Variants in ABCC1 observed in about 807,000 individuals in gnomAD.
ABCC1 encodes the protein ATP binding cassette subfamily C member 1 (ABCC1 blood group).
In ABCC1, 83 loss-of-function variants were observed where a neutral mutation model predicts 172.9. The ratio of observed to expected loss-of-function variants is 0.48; its 90% CI spans 0.40 to 0.58. The LOEUF is 0.58. ABCC1 is among the 20% of genes least tolerant of loss of function. The probability of loss-of-function intolerance (pLI) is 0.00; values close to 1 mark genes in which losing one functional copy is unlikely to be tolerated. For synonymous variants in ABCC1, 937 were observed against 825.2 expected (o/e 1.14, Z -2.32); for missense variants, 1,817 against 2,002.7 (o/e 0.91, Z 1.77).
intron 1 of ABCC1, among the ~76,000 whole-genome samples, chr16:16,002,842 C>T (rs1197709818): frequency 1.3e-5 from 2 of 151,346 alleles, no homozygotes; most frequent in African/African-American, 2.4e-5. Flanking sequence ...AATGGAGTAT[C>T]GTAGTGCCTT....
intron 19 of ABCC1, among the ~76,000 whole-genome samples, chr16:16,091,411 A>G (rs529183574): frequency 1.9e-4 from 29 of 151,842 alleles, no homozygotes; most frequent in African/African-American, 5.3e-4. Context: ...CTACAAAAAA[A>G]AAAAAAAAAA....
At chr16:16,014,406 C>T (rs2047910092) in intron 3 of ABCC1, 85 bp from the exon 4 acceptor site, 12 of 1,482,308 alleles carry the variant, frequency 8.1e-6, no homozygotes, top group Admixed American at 2.1e-5. Flanking sequence ...GAGATTGCAC[C>T]ACTGCGCTCC....
At chr16:16,134,226 G>A in intron 27 of ABCC1, 124 bp from the exon 28 acceptor site, 2 of 1,202,148 alleles carry the variant, frequency 1.7e-6, no homozygotes, top group Non-Finnish European at 2.4e-6. Flanking sequence ...CAAGGGAGAG[G>A]GCTGTCGAGT....
At chr16:16,047,682 A>T (rs2049268831) in intron 9 of ABCC1, among the ~76,000 whole-genome samples, 1 of 152,012 alleles carries the variant, frequency 6.6e-6, no homozygotes, top group Non-Finnish European at 1.5e-5. Flanking sequence ...GATGTCAAGA[A>T]TGCCAAGGAT....
chr16:16,130,879 TTGGG>T (rs1410490786), intron 26 of ABCC1, among the ~76,000 whole-genome samples: 1 of 152,102 alleles, frequency 6.6e-6, no homozygotes, highest in Non-Finnish European at 1.5e-5. Flanking sequence ...TCCCAGCACT[TTGGG>T]AGGTAGAGGT....
At chr16:16,121,288 C>T (rs888942430) in intron 23 of ABCC1, among the ~76,000 whole-genome samples, 5 of 152,174 alleles carry the variant, frequency 3.3e-5, no homozygotes, top group African/African-American at 1.2e-4. Flanking sequence ...AGTGATCTCC[C>T]GCCTCTGCCT....
intron 13 of ABCC1, among the ~76,000 whole-genome samples, chr16:16,069,729 A>G (rs1374259208): frequency 6.6e-6 from 1 of 152,104 alleles, no homozygotes; most frequent in African/African-American, 2.4e-5. Context: ...AAGAAAAAGA[A>G]AAAGAAAAAA....
At position 15,949,672 on chromosome 16, in the gene ABCC1, CCGGT is replaced by C; in HGVS notation, c.-79_-76del. On this transcript the variant is annotated 5_prime_UTR_variant, in exon 1 of 31. Transcript: ENST00000399410. ...GCAGCCGGGCCCGATCACCCGCCGCCCGGTGCCCGCCGCCGCCCGCGCCAGCAAC... is the reference window on the plus strand; with the variant it reads ...GCAGCCGGGCCCGATCACCCGCCGCCGCCCGCCGCCGCCCGCGCCAGCAAC... The C allele has an allele frequency of 6.4e-5, 58 of 906,196 alleles. No homozygotes were observed. Among genetic ancestry groups the C allele is most frequent in the South Asian group, 9.7e-5 (2 of 20,562 alleles). 56.1% of individuals were successfully genotyped at this position (906,196 alleles called of 1,614,324 possible).
intron 1 of ABCC1, among the ~76,000 whole-genome samples, chr16:15,988,650 C>A (rs527645078): frequency 3.3e-5 from 5 of 152,270 alleles, no homozygotes; most frequent in Admixed American, 2.0e-4. Flanking sequence ...CCACGAGAGG[C>A]CTCATGGTGC....
chr16:16,062,334 CTCTTT>C (rs1309362573), intron 12 of ABCC1, among the ~76,000 whole-genome samples: 1 of 152,110 alleles, frequency 6.6e-6, no homozygotes, highest in Non-Finnish European at 1.5e-5. Context: ...GGCTTTTCTT[CTCTTT>C]TTTCTTTCTT....
In ABCC1 at chr16:16,138,357, G is replaced by A. The variant is rs1313237726; in HGVS notation, c.4293-7G>A. 5.7e-6 allele frequency: 9 copies of A among 1,568,810 alleles called. No homozygotes were observed. The highest frequency in any genetic ancestry group is 1.4e-5 in the African/African-American group (1 of 73,650). ...CACTATCTCCTGGTTTTTTTCTTCCGGTCAAGTGTCGGGCAGCGCCAGCTT... is the reference window on the plus strand; with the variant it reads ...CACTATCTCCTGGTTTTTTTCTTCCAGTCAAGTGTCGGGCAGCGCCAGCTT... On this transcript the variant is annotated splice_polypyrimidine_tract_variant and splice_region_variant and intron_variant, in intron 29 of 30. Transcript: ENST00000399410.
chr16:15,959,783 AGT>A (rs1252855596), intron 1 of ABCC1, among the ~76,000 whole-genome samples: 1 of 152,200 alleles, frequency 6.6e-6, no homozygotes, highest in African/African-American at 2.4e-5. Flanking sequence ...GGTTCTGGAA[AGT>A]GGGTGTTAAT....
chr16:15,969,691 T>TA (rs2046324663), intron 1 of ABCC1, among the ~76,000 whole-genome samples: 2 of 151,990 alleles, frequency 1.3e-5, no homozygotes, highest in South Asian at 4.2e-4. Flanking sequence ...TTTTTTTTTT[T>TA]AAACCTCTGT....
chr16:15,972,765 C>G (rs1249250105), intron 1 of ABCC1, among the ~76,000 whole-genome samples: 2 of 149,888 alleles, frequency 1.3e-5, no homozygotes, highest in African/African-American at 4.9e-5. Flanking sequence ...CCAATATTGT[C>G]CAACATGTAC....
At chr16:15,972,238 C>T (rs906436177) in intron 1 of ABCC1, among the ~76,000 whole-genome samples, 2 of 152,148 alleles carry the variant, frequency 1.3e-5, no homozygotes, top group African/African-American at 4.8e-5. Flanking sequence ...GCTGTTTTGC[C>T]CCTCAGTCAT....
chr16:16,080,378 A>G (rs1596471341), intron 16 of ABCC1, among the ~76,000 whole-genome samples: 1 of 152,310 alleles, frequency 6.6e-6, no homozygotes, highest in East Asian at 1.9e-4. Context: ...GAGCTAAAAG[A>G]AGACTGCAGT....
At chr16:16,114,506 A>G (rs1157187654) in intron 22 of ABCC1, among the ~76,000 whole-genome samples, 1 of 151,796 alleles carries the variant, frequency 6.6e-6, no homozygotes, top group Non-Finnish European at 1.5e-5. Flanking sequence ...ACGCCTGGCT[A>G]ATTTTTGTAT....
intron 6 of ABCC1, among the ~76,000 whole-genome samples, chr16:16,034,388 A>G (rs556755176): frequency 6.6e-6 from 1 of 152,094 alleles, no homozygotes; most frequent in African/African-American, 2.4e-5. Context: ...TAATTTCTTC[A>G]AGTTACTATT....
chr16:16,068,713 G>A (rs1163702375), intron 13 of ABCC1, among the ~76,000 whole-genome samples: 4 of 151,672 alleles, frequency 2.6e-5, no homozygotes, highest in African/African-American at 4.8e-5. Flanking sequence ...ACAGCCGGGC[G>A]CGGCGGCTCA....
Sources: gnomAD v4.1 joint callset for allele counts (sites outside exome capture counted in the v4.1 genomes callset) on GRCh38, gnomAD v4.1.1 for gene constraint, MANE v1.5 for transcripts, NCBI Gene and HGNC (gene_info 2026-07-23, HGNC 2026-07-21) for gene names.